ST18: variants seen among roughly 807,000 people sequenced by gnomAD.
ST18 encodes the protein ST18 C2H2C-type zinc finger transcription factor.
Under a neutral mutation model 110.0 loss-of-function variants are expected in ST18, and 50 were observed. That is an observed-to-expected ratio of 0.45 (90% CI 0.36 to 0.58). ST18 has a LOEUF of 0.58. Ranked by LOEUF, ST18 falls within the 20% of genes least tolerant of loss-of-function variation. The pLI is 0.00. For synonymous variants in ST18, 461 were observed against 452.4 expected, an observed-to-expected ratio of 1.02 and a Z score of -0.24; for missense variants, 1,306 against 1,280.1, an observed-to-expected ratio of 1.02 and a Z score of -0.31.
At chr8:52,374,315 G>T (rs1187078137) in intron 2 of ST18, among the ~76,000 whole-genome samples, 1 of 152,056 alleles carries the variant, frequency 6.6e-6, no homozygotes. Flanking sequence ...CATGTGGAAT[G>T]GAGGCAGAGG....
At chr8:52,365,526 A>G (rs1827512640) in intron 2 of ST18, among the ~76,000 whole-genome samples, 1 of 152,218 alleles carries the variant, frequency 6.6e-6, no homozygotes, top group African/African-American at 2.4e-5. Context: ...ATGATTAAAA[A>G]ATGTTATATA....
chr8:52,171,944 A>G lies in ST18; in HGVS notation c.917T>C (p.Leu306Pro). The G allele has an allele frequency of 6.2e-7, 1 of 1,614,206 alleles. No homozygotes were observed. The highest frequency in any genetic ancestry group is 8.5e-7 in the Non-Finnish European group (1 of 1,180,032). The change falls in exon 10 of 26, where the codon CTG becomes CCG. Residue 306 changes from leucine (L) to proline (P), a missense_variant. Physicochemically the swap from Leu to Pro is moderately conservative, Grantham distance 98 (BLOSUM62 -3). Coordinates refer to ENST00000689386, the MANE Select transcript of ST18 (RefSeq NM_001352837.2). Reference protein sequence around the residue: ...LEKAKGNLSLLEQAIALQAER... With the variant: ...LEKAKGNLSLPEQAIALQAER... The stretch of plus-strand genomic sequence containing the variant: ...AGCCTGCAGAGCAATTGCCTGCTCC[A>G]GCAAACTTAAATTCCCCTTGGCCTT...
Position 52,149,916 on chromosome 8 carries a change from A to G in ST18, c.1868T>C (p.Ile623Thr), listed in dbSNP as rs770481072. ...TLDLSMKKNRILDKSAPLTSS... is the reference protein window; with the variant it reads ...TLDLSMKKNRTLDKSAPLTSS... ...AGTTAGGGGTGCAGACTTGTCCAGG[A>G]TTCGATTTTTTTTCATGCTTAAGTC... Residue 623 changes from isoleucine (I) to threonine (T), a missense_variant, in exon 16 of 26, where the codon ATC becomes ACC. Coordinates refer to ENST00000689386, the MANE Select transcript of ST18 (RefSeq NM_001352837.2). The G allele has an allele frequency of 6.2e-7, 1 of 1,614,112 alleles. No individual in the cohort carries two copies. The highest frequency in any genetic ancestry group is 8.5e-7 in the Non-Finnish European group (1 of 1,179,998).
chr8:52,216,628 T>C (rs1179531842), intron 6 of ST18, among the ~76,000 whole-genome samples: 1 of 152,186 alleles, frequency 6.6e-6, no homozygotes, highest in Middle Eastern at 3.2e-3. Flanking sequence ...TGAAGGCATA[T>C]GTGTTTTTCG....
chr8:52,134,982 T>C (rs2051399938), intron 19 of ST18, among the ~76,000 whole-genome samples: 1 of 152,208 alleles, frequency 6.6e-6, no homozygotes, highest in Non-Finnish European at 1.5e-5. Flanking sequence ...AAATATTAAA[T>C]AATGAATATT....
chr8:52,341,414 C>CTA (rs1179284404), intron 2 of ST18, among the ~76,000 whole-genome samples: 1 of 152,144 alleles, frequency 6.6e-6, no homozygotes, highest in Non-Finnish European at 1.5e-5. Flanking sequence ...TTCTGCACAT[C>CTA]TATTTGTGTT....
intron 2 of ST18, among the ~76,000 whole-genome samples, chr8:52,402,104 T>A (rs1590742724): frequency 6.6e-6 from 1 of 151,916 alleles, no homozygotes; most frequent in Non-Finnish European, 1.5e-5. Flanking sequence ...GCTGTAGGAG[T>A]TTGTGGCAGT....
chr8:52,297,770 A>C (rs1177071824), intron 2 of ST18, among the ~76,000 whole-genome samples: 1 of 152,230 alleles, frequency 6.6e-6, no homozygotes, highest in Non-Finnish European at 1.5e-5. Flanking sequence ...AAAGAATGGG[A>C]AACGACAAGT....
chr8:52,375,635 T>C (rs948483115), intron 2 of ST18, among the ~76,000 whole-genome samples: 1 of 152,172 alleles, frequency 6.6e-6, no homozygotes, highest in Non-Finnish European at 1.5e-5. Flanking sequence ...TCCTCTTTCC[T>C]CTTTATCCTC....
intron 16 of ST18, among the ~76,000 whole-genome samples, chr8:52,147,532 T>C (rs1045691059): frequency 1.3e-5 from 2 of 152,036 alleles, no homozygotes; most frequent in African/African-American, 2.4e-5. Flanking sequence ...CTACCCAGGA[T>C]TGGAGGCTTA....
At chr8:52,287,460 G>A (rs1193074687) in intron 2 of ST18, among the ~76,000 whole-genome samples, 1 of 152,128 alleles carries the variant, frequency 6.6e-6, no homozygotes, top group East Asian at 1.9e-4. Context: ...TTTAGAGCTA[G>A]AAACAAGCAA....
chr8:52,302,090 C>T (rs1564449095), intron 2 of ST18: 3 of 152,334 alleles, frequency 2.0e-5, no homozygotes, highest in African/African-American at 7.2e-5. Flanking sequence ...GGCAGCCTGT[C>T]TGTTTTGGAG....
chr8:52,171,529 A>G, intron 10 of ST18: 1 of 552,630 alleles, frequency 1.8e-6, no homozygotes, highest in Non-Finnish European at 3.4e-6. Flanking sequence ...TGATGCATTT[A>G]TAAAAAACAG....
chr8:52,122,894 G>A (rs545419178), intron 23 of ST18, among the ~76,000 whole-genome samples: 5 of 152,048 alleles, frequency 3.3e-5, no homozygotes, highest in African/African-American at 9.6e-5. Context: ...AAAGGAGTGA[G>A]GAGAGTTAAT....
intron 8 of ST18, among the ~76,000 whole-genome samples, chr8:52,202,170 G>A (rs1430086347): frequency 6.6e-6 from 1 of 152,164 alleles, no homozygotes; most frequent in African/African-American, 2.4e-5. Context: ...AAGAACTTAA[G>A]AACTTGGAAG....
intron 8 of ST18, among the ~76,000 whole-genome samples, chr8:52,188,931 T>C (rs1235106150): frequency 6.6e-6 from 1 of 152,162 alleles, no homozygotes; most frequent in Admixed American, 6.5e-5. Flanking sequence ...TCACAAGGGT[T>C]GGAGATTGGG....
At chr8:52,388,793 C>T (rs906152116) in intron 2 of ST18, among the ~76,000 whole-genome samples, 4 of 122,450 alleles carry the variant, frequency 3.3e-5, no homozygotes, top group South Asian at 2.7e-4. Flanking sequence ...GGAAGGGGAA[C>T]ATCACACTCC....
At chr8:52,255,031 G>T (rs1162074803) in intron 2 of ST18, among the ~76,000 whole-genome samples, 1 of 152,112 alleles carries the variant, frequency 6.6e-6, no homozygotes, top group Non-Finnish European at 1.5e-5. Flanking sequence ...ACCAGGCTTG[G>T]TAAACACAAG....
chr8:52,371,732 C>T (rs1830333891), intron 2 of ST18, among the ~76,000 whole-genome samples: 1 of 152,138 alleles, frequency 6.6e-6, no homozygotes, highest in Non-Finnish European at 1.5e-5. Flanking sequence ...CACGGTGATC[C>T]CATAAGACTA....
Sources: allele counts gnomAD v4.1 joint callset (sites outside exome capture counted in the v4.1 genomes callset), GRCh38; gene constraint gnomAD v4.1.1; transcripts MANE v1.5; gene names NCBI Gene and HGNC (gene_info 2026-07-23, HGNC 2026-07-21).